The following TAF1B variants were observed in gnomAD, a reference collection of about 807,000 sequenced individuals.
The protein encoded by TAF1B is TATA-box binding protein associated factor, RNA polymerase I subunit B.
A neutral mutation model predicts 83.9 loss-of-function variants in TAF1B; 61 were observed. The ratio of observed to expected loss-of-function variants is 0.73; its 90% CI spans 0.59 to 0.90. The LOEUF is 0.90. Among genes scored for constraint, TAF1B ranks in the 40% least tolerant of loss-of-function variants. TAF1B has a pLI of 0.00. For synonymous variants in TAF1B, 221 were observed against 224.6 expected (o/e 0.98, Z 0.14); for missense variants, 625 against 677.0 (o/e 0.92, Z 0.85).
intron 5 of TAF1B, among the ~76,000 whole-genome samples, chr2:9,863,870 G>T (rs1369312820): frequency 6.6e-6 from 1 of 152,044 alleles, no homozygotes. Context: ...CGAAATGAAG[G>T]CAGAAATAAA....
At chr2:9,872,358 A>T (rs1265581568) in intron 6 of TAF1B, among the ~76,000 whole-genome samples, 3 of 151,750 alleles carry the variant, frequency 2.0e-5, no homozygotes, top group Non-Finnish European at 2.9e-5. Context: ...TGGATGTCTA[A>T]CTGCTTCTTA....
At chr2:9,875,768 G>A in intron 6 of TAF1B, 97 bp from the exon 7 acceptor site, 1 of 1,333,630 alleles carries the variant, frequency 7.5e-7, no homozygotes, top group Non-Finnish European at 1.0e-6. Context: ...GCCAAACCAT[G>A]TCAATATTTA....
In TAF1B at chr2:9,851,663, T is replaced by C. The variant is rs772804328; in HGVS notation, c.303+25T>C. The C allele has an allele frequency of 1.5e-5, 23 of 1,566,776 alleles. No homozygotes were observed. In the African/African-American group the frequency reaches 3.0e-4, roughly 21 times the overall value. ...GGTAAGTACATTTGTGACTAGATGT[T>C]AGCTTTACATATTTTTGTTTAAAGA... On this transcript the variant is annotated intron_variant, in intron 4 of 14. Transcript: ENST00000263663.
At position 9,849,439 on chromosome 2, in the gene TAF1B, C is replaced by T. The variant is rs1367774974; in HGVS notation, c.184C>T (p.Leu62Phe). 13 of 1,568,398 alleles carry T rather than the reference C, an allele frequency of 8.3e-6. No homozygotes were observed. The South Asian group carries it at 1.5e-4, about 19-fold the overall frequency. ...NTQIKALNRG[L>F]KKKNNTEKGW... ...CCAAATAAAAGCCCTCAACCGGGGGCTTAAAAAAAAAAACAATACTGGTAA... is the reference window on the plus strand; with the variant it reads ...CCAAATAAAAGCCCTCAACCGGGGGTTTAAAAAAAAAAACAATACTGGTAA... The change falls in exon 3 of 15, where the codon CTT becomes TTT. Residue 62 changes from leucine to phenylalanine, a missense_variant. Transcript: ENST00000263663.
intron 6 of TAF1B, among the ~76,000 whole-genome samples, chr2:9,872,963 TG>T (rs1279605691): frequency 1.3e-5 from 2 of 152,248 alleles, no homozygotes; most frequent in African/African-American, 4.8e-5. Flanking sequence ...GACATTGTTT[TG>T]TAGTATACCA....
intron 8 of TAF1B, among the ~76,000 whole-genome samples, chr2:9,899,775 C>T (rs1192141950): frequency 2.0e-5 from 3 of 152,080 alleles, no homozygotes; most frequent in Non-Finnish European, 4.4e-5. Flanking sequence ...TCATGAATGC[C>T]ATTAACATTT....
At chr2:9,850,050 T>C (rs915532683) in intron 3 of TAF1B, among the ~76,000 whole-genome samples, 24 of 151,952 alleles carry the variant, frequency 1.6e-4, no homozygotes, top group Non-Finnish European at 3.1e-4. Flanking sequence ...TGTGTGTGTG[T>C]GTGTGTTTAT....
In TAF1B at chr2:9,843,710, T is replaced by G. The variant is rs1167961668; in HGVS notation, c.18+151T>G. ...GAGGGCTGCAGGGCGGGCTAAGGAC[T>G]GGGGCTGGCCGGCCGCATGCGCGCG... On this transcript the variant is annotated intron_variant, in intron 1 of 14. Coordinates refer to ENST00000263663, the MANE Select transcript of TAF1B (RefSeq NM_005680.3). The G allele has an allele frequency of 6.8e-6, 6 of 881,872 alleles. No homozygotes were observed. In the East Asian group the frequency reaches 1.6e-4, roughly 24 times the overall value. The allele number at this position is 881,872 out of a possible 1,614,324, so 54.6% of individuals were successfully genotyped here.
rs141421981 is a variant in TAF1B at position 9,919,626 on chromosome 2, T to C, written c.1371T>C (p.Phe457=). The change falls in exon 14 of 15, where the codon TTT becomes TTC. Residue 457 remains phenylalanine, a synonymous_variant. Coordinates refer to ENST00000263663, the MANE Select transcript of TAF1B (RefSeq NM_005680.3). ...REMVVNLQKQ[F]STLVESTATA... ...TGGTGGTGAATCTACAGAAACAATTTAGCACACTGGTCGAGTCAACAGCAA... is the reference window on the plus strand; with the variant it reads ...TGGTGGTGAATCTACAGAAACAATTCAGCACACTGGTCGAGTCAACAGCAA... 3.7e-6 allele frequency: 6 copies of C among 1,614,072 alleles called. No homozygotes were observed. The African/African-American group carries it at 5.3e-5, about 14-fold the overall frequency.
chr2:9,869,446 A>G (rs1664097013), intron 6 of TAF1B, among the ~76,000 whole-genome samples: 1 of 151,088 alleles, frequency 6.6e-6, no homozygotes, highest in South Asian at 2.1e-4. Context: ...ACTGGTCTCA[A>G]ACTCCTGACC....
At chr2:9,893,951 T>C (rs1365179675) in intron 8 of TAF1B, among the ~76,000 whole-genome samples, 4 of 152,296 alleles carry the variant, frequency 2.6e-5, no homozygotes, top group African/African-American at 7.2e-5. Flanking sequence ...ATATAGTATA[T>C]GTATTCTTTT....
At chr2:9,859,622 A>G (rs994624648) in intron 5 of TAF1B, among the ~76,000 whole-genome samples, 2 of 152,138 alleles carry the variant, frequency 1.3e-5, no homozygotes, top group Admixed American at 1.3e-4. Context: ...TCCTGACCAC[A>G]GGTCAGGCCC....
Position 9,845,383 on chromosome 2 carries a change from GT to G in TAF1B, c.117+66del, listed in dbSNP as rs1663172386. On this transcript the variant is annotated intron_variant, in intron 2 of 14. Coordinates refer to ENST00000263663, the MANE Select transcript of TAF1B (RefSeq NM_005680.3). ...AAAAATTGCCATTTCAGCCTGATAT[GT>G]AGTCTAAGTCCCAAAGAATTGGGTT... 1.1e-5 allele frequency: 15 copies of G among 1,319,346 alleles called. No individual in the cohort carries two copies. The South Asian group carries it at 1.8e-4, about 16-fold the overall frequency. The allele number at this position is 1,319,346 out of a possible 1,614,324, so 81.7% of individuals were successfully genotyped here. A position where few individuals can be genotyped will look rare whatever the true frequency, so the allele number is the denominator to read the frequency against.
intron 7 of TAF1B, among the ~76,000 whole-genome samples, chr2:9,881,677 G>A (rs1256169162): frequency 6.6e-6 from 1 of 152,112 alleles, no homozygotes; most frequent in Non-Finnish European, 1.5e-5. Flanking sequence ...GTTCACTGCT[G>A]TTTCCCTGCA....
intron 12 of TAF1B, 57 bp from the exon 13 acceptor site, chr2:9,918,984 T>C (rs529345369): frequency 2.2e-6 from 3 of 1,393,686 alleles, no homozygotes; most frequent in Non-Finnish European, 3.0e-6. Flanking sequence ...CTTCAGACAA[T>C]GTGTTTATGT....
At chr2:9,868,636 G>T (rs1176302417) in intron 6 of TAF1B, 3 of 759,074 alleles carry the variant, frequency 4.0e-6, no homozygotes, top group Admixed American at 4.1e-5. Flanking sequence ...TTGTCTCCAT[G>T]TGAGTTTTTT....
In TAF1B at chr2:9,914,376, G is replaced by T. The variant is rs1665618693; in HGVS notation, c.1271+1127G>T. ...ACTCTTCAGTCAGTGGCTCTCAGTGGGCACAAGAATAGCAGCAGGAACAAG... is the reference window on the plus strand; with the variant it reads ...ACTCTTCAGTCAGTGGCTCTCAGTGTGCACAAGAATAGCAGCAGGAACAAG... On this transcript the variant is annotated intron_variant, in intron 12 of 14. Coordinates refer to ENST00000263663, the MANE Select transcript of TAF1B (RefSeq NM_005680.3). This position sits in a 1 kb window ranked among gnomAD's most constrained non-coding sequence, Gnocchi z 4.3. Among the ~76,000 whole-genome samples the T allele has an allele frequency of 6.6e-6, 1 of 152,122 alleles. No individual in the cohort carries two copies.
chr2:9,898,400 G>C (rs570606742), intron 8 of TAF1B, among the ~76,000 whole-genome samples: 2 of 152,154 alleles, frequency 1.3e-5, no homozygotes, highest in East Asian at 3.8e-4. Flanking sequence ...ATTCCACCTT[G>C]TTCCACAGAA....
chr2:9,894,904 G>A (rs1038739870), intron 8 of TAF1B, among the ~76,000 whole-genome samples: 1 of 152,190 alleles, frequency 6.6e-6, no homozygotes, highest in African/African-American at 2.4e-5. Context: ...ATGTGAAATT[G>A]GAACATGGCT....
Sources: allele counts gnomAD v4.1 joint callset (sites outside exome capture counted in the v4.1 genomes callset), GRCh38; gene constraint gnomAD v4.1.1; non-coding constraint Gnocchi (gnomAD v3.1); transcripts MANE v1.5; gene names NCBI Gene and HGNC (gene_info 2026-07-23, HGNC 2026-07-21).